Variants in EYA4 observed in about 807,000 individuals in gnomAD.
EYA4 encodes protein phosphatase EYA4.
A neutral mutation model predicts 87.9 loss-of-function variants in EYA4; 31 were observed. The ratio of observed to expected loss-of-function variants is 0.35; its 90% CI spans 0.27 to 0.48. The LOEUF is 0.48. EYA4 is among the 20% of genes least tolerant of loss of function. EYA4 has a pLI of 0.99. For missense variants in EYA4, 678 were observed against 761.4 expected, an observed-to-expected ratio of 0.89 and a Z score of 1.29; for synonymous variants, 263 against 270.6, an observed-to-expected ratio of 0.97 and a Z score of 0.28.
At chr6:133,478,076 G>A (rs1795897014) in intron 11 of EYA4, among the ~76,000 whole-genome samples, 1 of 151,950 alleles carries the variant, frequency 6.6e-6, no homozygotes, top group South Asian at 2.1e-4. Flanking sequence ...CCAAAATGGT[G>A]AAAATAAAAA....
intron 2 of EYA4, among the ~76,000 whole-genome samples, chr6:133,335,362 G>T (rs572136312): frequency 4.8e-4 from 73 of 152,214 alleles, no homozygotes; most frequent in Non-Finnish European, 8.4e-4. Flanking sequence ...AAACATAAGT[G>T]AAAATAATTA....
chr6:133,246,488 T>C (rs1203894704), intron 1 of EYA4, among the ~76,000 whole-genome samples: 1 of 152,106 alleles, frequency 6.6e-6, no homozygotes, highest in Non-Finnish European at 1.5e-5. Context: ...AGGTTATAAT[T>C]TTTAGGCAAA....
At chr6:133,380,191 T>G (rs9493614) in intron 2 of EYA4, among the ~76,000 whole-genome samples, 30,649 of 152,082 alleles carry the variant, frequency 0.2, 3,252 homozygotes, top group South Asian at 0.32. Flanking sequence ...CAAGAACAAA[T>G]GAATGAAACC....
chr6:133,445,127 G>T (rs1389085932), intron 3 of EYA4, among the ~76,000 whole-genome samples: 1 of 151,970 alleles, frequency 6.6e-6, no homozygotes, highest in African/African-American at 2.4e-5. Context: ...AACATTTAAT[G>T]CTAGAGATTA....
chr6:133,448,908 G>A (rs1022237499), intron 5 of EYA4, among the ~76,000 whole-genome samples: 1 of 152,174 alleles, frequency 6.6e-6, no homozygotes, highest in African/African-American at 2.4e-5. Context: ...TATTGGAAAT[G>A]TGCATCACAA....
At chr6:133,523,032 A>T in intron 17 of EYA4, 24 bp from the exon 18 acceptor site, 1 of 1,593,034 alleles carries the variant, frequency 6.3e-7, no homozygotes, top group South Asian at 1.1e-5. Flanking sequence ...GAAAACAAAC[A>T]TGTATATTTC....
intron 2 of EYA4, among the ~76,000 whole-genome samples, chr6:133,290,396 G>T (rs1011350569): frequency 5.9e-5 from 9 of 152,186 alleles, no homozygotes; most frequent in Admixed American, 1.3e-4. Context: ...TTTGATATGG[G>T]TTTATTTTCC....
At chr6:133,266,585 T>A (rs1312633446) in intron 1 of EYA4, among the ~76,000 whole-genome samples, 1 of 152,188 alleles carries the variant, frequency 6.6e-6, no homozygotes, top group African/African-American at 2.4e-5. Context: ...TTTAAGTATA[T>A]TTTATTATTA....
intron 2 of EYA4, among the ~76,000 whole-genome samples, chr6:133,280,554 G>A (rs577629339): frequency 2.4e-4 from 36 of 151,984 alleles, no homozygotes; most frequent in East Asian, 5.8e-4. Flanking sequence ...GTGCCACGGC[G>A]CCCAGATAAT....
chr6:133,371,781 A>G (rs112240993), intron 2 of EYA4, among the ~76,000 whole-genome samples: 88 of 152,298 alleles, frequency 5.8e-4, no homozygotes, highest in African/African-American at 1.9e-3. Context: ...CAGGTAATGC[A>G]GCTGTTGAAG....
intron 3 of EYA4, among the ~76,000 whole-genome samples, chr6:133,426,891 T>C (rs902038065): frequency 6.6e-6 from 1 of 152,234 alleles, no homozygotes. Flanking sequence ...CACATCTCCT[T>C]GGAACTTCTG....
At chr6:133,261,108 A>C (rs1475507674) in intron 1 of EYA4, among the ~76,000 whole-genome samples, 2 of 151,764 alleles carry the variant, frequency 1.3e-5, no homozygotes, top group East Asian at 3.9e-4. Flanking sequence ...CCTCATATCC[A>C]CTTCTCCAGG....
chr6:133,421,510 A>G (rs1042633131), intron 3 of EYA4, among the ~76,000 whole-genome samples: 5 of 152,186 alleles, frequency 3.3e-5, no homozygotes, highest in Admixed American at 3.3e-4. Flanking sequence ...TGAGTTCTCA[A>G]GAGTAGCCTT....
chr6:133,457,404 G>A (rs980666151), intron 6 of EYA4, among the ~76,000 whole-genome samples: 2 of 152,042 alleles, frequency 1.3e-5, no homozygotes, highest in Non-Finnish European at 2.9e-5. Flanking sequence ...TTAAACCTAG[G>A]AAAGTATTTG....
chr6:133,530,417 G>A lies in EYA4; in HGVS notation c.*1612G>A, dbSNP rs571675814. ...TTTCCTATGACACGATTTCCCTTGTGGAAATTTAAGACTTTAAGAACTAGA... is the reference window on the plus strand; with the variant it reads ...TTTCCTATGACACGATTTCCCTTGTAGAAATTTAAGACTTTAAGAACTAGA... On this transcript the variant is annotated 3_prime_UTR_variant, in exon 20 of 20. Transcript: ENST00000355286. 18 of 985,288 alleles carry A rather than the reference G, an allele frequency of 1.8e-5. No homozygotes were observed. Among genetic ancestry groups the A allele is most frequent in the Admixed American group, 6.1e-5 (1 of 16,262 alleles). The allele number at this position is 985,288 out of a possible 1,614,324, so 61.0% of individuals were successfully genotyped here.
chr6:133,483,719 ATTATT>A (rs1338529857), intron 13 of EYA4, among the ~76,000 whole-genome samples: 1 of 118,812 alleles, frequency 8.4e-6, no homozygotes, highest in Non-Finnish European at 2.0e-5. Flanking sequence ...TATTATTATT[ATTATT>A]ATTATTATTA....
At chr6:133,298,343 T>A (rs1779103579) in intron 2 of EYA4, among the ~76,000 whole-genome samples, 1 of 152,180 alleles carries the variant, frequency 6.6e-6, no homozygotes, top group African/African-American at 2.4e-5. Context: ...CTTCTTTTGA[T>A]GAGAAGCGAC....
rs150510001 is a variant in EYA4 at position 133,403,840 on chromosome 6, C to T, written c.83+21399C>T. Among the ~76,000 whole-genome samples, 74 of 152,204 alleles carry T rather than the reference C, an allele frequency of 4.9e-4. 3 individuals are homozygous for T. In the East Asian group the frequency reaches 0.013, roughly 27 times the overall value. ...TGTGTTTTTCTTTGAGATGGAGTTT[C>T]GCCTTTGTTACCCAGGCTGGAGTGC... On this transcript the variant is annotated intron_variant, in intron 3 of 19. Transcript: ENST00000355286.
chr6:133,520,555 A>G (rs1393563822), intron 17 of EYA4, among the ~76,000 whole-genome samples: 14 of 123,562 alleles, frequency 1.1e-4, no homozygotes, highest in Admixed American at 4.7e-4. Flanking sequence ...AAATGGCCAT[A>G]CTGCCCAAGG....
Sources: gnomAD v4.1 joint callset for allele counts (sites outside exome capture counted in the v4.1 genomes callset) on GRCh38, gnomAD v4.1.1 for gene constraint, MANE v1.5 for transcripts, NCBI Gene and HGNC (gene_info 2026-07-23, HGNC 2026-07-21) for gene names.